RSRC1: variants seen among roughly 807,000 people sequenced by gnomAD.
RSRC1 encodes arginine and serine rich coiled-coil 1, also known as serine/Arginine-related protein 53.
Under a neutral mutation model 49.1 loss-of-function variants are expected in RSRC1, and 39 were observed. The ratio of observed to expected loss-of-function variants is 0.79; its 90% CI spans 0.61 to 1.04. RSRC1 has a LOEUF of 1.04. Among genes scored for constraint, RSRC1 ranks in the 50% least tolerant of loss-of-function variants. The probability of loss-of-function intolerance (pLI) is 0.00; values close to 1 mark genes in which losing one functional copy is unlikely to be tolerated. For missense variants in RSRC1, 388 were observed against 402.4 expected (o/e 0.96, Z 0.31); for synonymous variants, 143 against 130.8 (o/e 1.09, Z -0.63).
intron 7 of RSRC1, among the ~76,000 whole-genome samples, chr3:158,493,783 A>G (rs928327880): frequency 1.3e-4 from 20 of 152,216 alleles, no homozygotes; most frequent in Admixed American, 2.6e-4. Flanking sequence ...AAGCTCAGCT[A>G]CTGTGATAGG....
At chr3:158,221,883 G>T (rs150080345) in intron 4 of RSRC1, among the ~76,000 whole-genome samples, 3 of 151,514 alleles carry the variant, frequency 2.0e-5, no homozygotes, top group Admixed American at 6.6e-5. Flanking sequence ...ACATAAAAAT[G>T]TGGAGAGATT....
intron 5 of RSRC1, among the ~76,000 whole-genome samples, chr3:158,345,481 G>A (rs919370296): frequency 4.7e-4 from 72 of 152,204 alleles, no homozygotes; most frequent in African/African-American, 1.6e-3. Context: ...TAAGATGTCA[G>A]TTCTCCTCAA....
chr3:158,168,387 C>A (rs1318826254), intron 3 of RSRC1, among the ~76,000 whole-genome samples: 1 of 152,128 alleles, frequency 6.6e-6, no homozygotes, highest in East Asian at 1.9e-4. Context: ...TTGTTTTAAG[C>A]TTTAAAGTTT....
intron 4 of RSRC1, among the ~76,000 whole-genome samples, chr3:158,295,825 C>T (rs1291294975): frequency 2.6e-5 from 4 of 152,102 alleles, no homozygotes; most frequent in Non-Finnish European, 4.4e-5. Flanking sequence ...TGTCCTCATT[C>T]TCAAATACAG....
intron 6 of RSRC1, among the ~76,000 whole-genome samples, chr3:158,437,056 C>G (rs1736078491): frequency 6.6e-6 from 1 of 151,160 alleles, no homozygotes; most frequent in Admixed American, 6.6e-5. Context: ...ATAGATAATT[C>G]TATAGAAGAG....
intron 5 of RSRC1, among the ~76,000 whole-genome samples, chr3:158,330,255 T>C (rs529711215): frequency 1.3e-5 from 2 of 152,312 alleles, no homozygotes; most frequent in East Asian, 3.9e-4. Flanking sequence ...CCCCACTGTC[T>C]GACGAGCCCC....
chr3:158,248,131 C>T (rs1207106660), intron 4 of RSRC1, among the ~76,000 whole-genome samples: 1 of 152,190 alleles, frequency 6.6e-6, no homozygotes, highest in Non-Finnish European at 1.5e-5. Context: ...CAGGCATTTT[C>T]TCTTGCTCCC....
intron 6 of RSRC1, among the ~76,000 whole-genome samples, chr3:158,447,247 C>T (rs1039152390): frequency 6.6e-6 from 1 of 151,876 alleles, no homozygotes; most frequent in African/African-American, 2.4e-5. Flanking sequence ...AGCCATTGGT[C>T]TTAGACTTAA....
intron 6 of RSRC1, among the ~76,000 whole-genome samples, chr3:158,365,230 A>G (rs1262150771): frequency 6.6e-6 from 1 of 152,148 alleles, no homozygotes; most frequent in Non-Finnish European, 1.5e-5. Flanking sequence ...TACACGTGCC[A>G]TGGTGGTTTG....
intron 5 of RSRC1, among the ~76,000 whole-genome samples, chr3:158,354,284 C>A (rs975442551): frequency 1.3e-5 from 2 of 152,106 alleles, no homozygotes; most frequent in African/African-American, 2.4e-5. Flanking sequence ...CCACTGCGTC[C>A]GGCTGGAAAT....
intron 7 of RSRC1, among the ~76,000 whole-genome samples, chr3:158,534,759 T>A (rs879698818): frequency 6.6e-6 from 1 of 151,566 alleles, no homozygotes; most frequent in Non-Finnish European, 1.5e-5. Context: ...AATAGAATGC[T>A]ATGCAATTAT....
chr3:158,349,352 T>G (rs1200408052), intron 5 of RSRC1, among the ~76,000 whole-genome samples: 1 of 152,144 alleles, frequency 6.6e-6, no homozygotes, highest in Non-Finnish European at 1.5e-5. Flanking sequence ...TTTTCATGTG[T>G]TTGTTGGCCA....
intron 7 of RSRC1, among the ~76,000 whole-genome samples, chr3:158,511,502 T>C (rs1350947894): frequency 6.6e-6 from 1 of 152,244 alleles, no homozygotes; most frequent in African/African-American, 2.4e-5. Context: ...TGTGCCACAT[T>C]TTCTTACTCC....
chr3:158,373,473 C>G (rs1037266380), intron 6 of RSRC1, among the ~76,000 whole-genome samples: 1 of 151,882 alleles, frequency 6.6e-6, no homozygotes, highest in Non-Finnish European at 1.5e-5. Context: ...TTTTCAGTAT[C>G]TATATAGATG....
At chr3:158,455,911 C>G (rs1737283561) in intron 6 of RSRC1, among the ~76,000 whole-genome samples, 1 of 128,940 alleles carries the variant, frequency 7.8e-6, no homozygotes, top group Admixed American at 1.1e-4. Flanking sequence ...ACCCAGGAAG[C>G]AGAGGTTGCA....
chr3:158,115,516 C>T (rs1437143463), intron 1 of RSRC1, among the ~76,000 whole-genome samples: 1 of 152,074 alleles, frequency 6.6e-6, no homozygotes, highest in Non-Finnish European at 1.5e-5. Context: ...TGGATTATAT[C>T]TATGAATATT....
intron 3 of RSRC1, among the ~76,000 whole-genome samples, chr3:158,176,729 G>C (rs1197739267): frequency 6.6e-6 from 1 of 152,180 alleles, no homozygotes; most frequent in African/African-American, 2.4e-5. Flanking sequence ...TCAGGATATA[G>C]GCATGGGCAA....
At chr3:158,418,742 C>A (rs1734882468) in intron 6 of RSRC1, among the ~76,000 whole-genome samples, 1 of 151,910 alleles carries the variant, frequency 6.6e-6, no homozygotes, top group South Asian at 2.1e-4. Context: ...TTGAGTAGAG[C>A]AGAATTTTTC....
At chr3:158,173,407 G>C (rs6441177) in intron 3 of RSRC1, among the ~76,000 whole-genome samples, 95,952 of 151,696 alleles carry the variant, frequency 0.63, 30,961 homozygotes, top group East Asian at 0.73. Flanking sequence ...TAAAAGCACA[G>C]TTCGTTGTTA....
Sources: gnomAD v4.1 joint callset for allele counts (sites outside exome capture counted in the v4.1 genomes callset) on GRCh38, gnomAD v4.1.1 for gene constraint, MANE v1.5 for transcripts, NCBI Gene and HGNC (gene_info 2026-07-23, HGNC 2026-07-21) for gene names.